The following LRFN5 variants were observed in gnomAD, a reference collection of about 807,000 sequenced individuals.
The protein encoded by LRFN5 is leucine-rich repeat and fibronectin type-III domain-containing protein 5.
Under a neutral mutation model 45.6 loss-of-function variants are expected in LRFN5, and 24 were observed. The observed-to-expected ratio is 0.53, with a 90% CI of 0.38 to 0.74. LRFN5 has a LOEUF of 0.74. Among genes scored for constraint, LRFN5 ranks in the 30% least tolerant of loss-of-function variants. The pLI, the probability that LRFN5 is intolerant of heterozygous loss-of-function variation, is 0.00. For synonymous variants in LRFN5, 340 were observed against 313.8 expected (o/e 1.08, Z -0.88); for missense variants, 776 against 861.5 (o/e 0.90, Z 1.24).
rs1278028735 is a variant in LRFN5, at chr14:41,878,287, G to A, written c.-20-8319G>A. ...CCCAGACATTAGTTGAGACAAAGGG[G>A]CAGTAATTGAATTAATAGCATTCTA... is the stretch of plus-strand genomic sequence containing the variant. On this transcript the variant is annotated intron_variant, in intron 2 of 5. Coordinates refer to ENST00000298119, the MANE Select transcript of LRFN5 (RefSeq NM_152447.5). Among the ~76,000 whole-genome samples, 3 of 152,104 alleles carry A rather than the reference G, an allele frequency of 2.0e-5. No homozygotes were observed. The East Asian group carries it at 5.8e-4, about 29-fold the overall frequency.
At chr14:41,888,600 G>A (rs566515621) in intron 3 of LRFN5, among the ~76,000 whole-genome samples, 1 of 152,164 alleles carries the variant, frequency 6.6e-6, no homozygotes, top group South Asian at 2.1e-4. Context: ...ATAAAATAAT[G>A]AGACTGATTC....
chr14:41,762,775 A>G (rs1053643523), intron 1 of LRFN5, among the ~76,000 whole-genome samples: 23 of 152,126 alleles, frequency 1.5e-4, no homozygotes, highest in African/African-American at 5.1e-4. Flanking sequence ...AAGTAATTGA[A>G]TGAACTGTAG....
chr14:41,776,664 G>T (rs1416577511), intron 2 of LRFN5, among the ~76,000 whole-genome samples: 1 of 151,998 alleles, frequency 6.6e-6, no homozygotes, highest in Non-Finnish European at 1.5e-5. Flanking sequence ...TTAAGAAAAG[G>T]ATTGTCTCAG....
At position 41,891,831 on chromosome 14, in the gene LRFN5, A is replaced by G; in HGVS notation, c.1967A>G (p.Gln656Arg). 6.2e-7 allele frequency: 1 copy of G among 1,614,208 alleles called. No individual in the cohort carries two copies. Among genetic ancestry groups the G allele is most frequent in the Non-Finnish European group, 8.5e-7 (1 of 1,180,040 alleles). Residue 656 changes from glutamine to arginine, a missense_variant, in exon 4 of 6, where the codon CAG (glutamine) becomes CGG (arginine). By Grantham distance (43) the Gln-to-Arg change is conservative (BLOSUM62 1). Transcript: ENST00000298119. ...KTGTKPSTEP[Q>R]NEAVTNVESQ... ...GGCACAAAGCCAAGTACAGAACCAC[A>G]GAATGAAGCCGTCACAAATGTTGAA...
At chr14:41,743,175 A>G in intron 1 of LRFN5, among the ~76,000 whole-genome samples, 1 of 152,186 alleles carries the variant, frequency 6.6e-6, no homozygotes, top group East Asian at 1.9e-4. Context: ...TTTTGATTTC[A>G]TTGAAACATT....
At chr14:41,855,482 T>C (rs1889420184) in intron 2 of LRFN5, among the ~76,000 whole-genome samples, 1 of 152,176 alleles carries the variant, frequency 6.6e-6, no homozygotes, top group Non-Finnish European at 1.5e-5. Context: ...ATCTTTTCTA[T>C]TCCAAGCCTA....
intron 1 of LRFN5, among the ~76,000 whole-genome samples, chr14:41,696,175 G>A (rs1882601464): frequency 6.6e-6 from 1 of 151,876 alleles, no homozygotes; most frequent in South Asian, 2.1e-4. Context: ...CTGAAGATGT[G>A]ACTAAATTGC....
intron 1 of LRFN5, among the ~76,000 whole-genome samples, chr14:41,647,444 C>A (rs897510654): frequency 2.0e-5 from 3 of 151,958 alleles, no homozygotes; most frequent in African/African-American, 7.3e-5. Context: ...GATAGCAGTA[C>A]GTAGTAGGTG....
chr14:41,832,534 T>C (rs1164316499), intron 2 of LRFN5, among the ~76,000 whole-genome samples: 1 of 152,154 alleles, frequency 6.6e-6, no homozygotes, highest in Admixed American at 6.5e-5. Context: ...TTTGCAGTAA[T>C]GAGAAGCAAA....
chr14:41,752,609 T>C (rs74385178), intron 1 of LRFN5, among the ~76,000 whole-genome samples: 5,548 of 152,154 alleles, frequency 0.036, 345 homozygotes, highest in East Asian at 0.28. Flanking sequence ...TTTGATGGGG[T>C]TGTTTGTTTT....
At chr14:41,817,661 C>G (rs1363665871) in intron 2 of LRFN5, among the ~76,000 whole-genome samples, 1 of 152,126 alleles carries the variant, frequency 6.6e-6, no homozygotes, top group Non-Finnish European at 1.5e-5. Context: ...TTAGAAGAGC[C>G]AGATGCTCTG....
At chr14:41,674,226 A>T (rs1288484217) in intron 1 of LRFN5, among the ~76,000 whole-genome samples, 1 of 126,894 alleles carries the variant, frequency 7.9e-6, no homozygotes, top group Non-Finnish European at 1.7e-5. Flanking sequence ...TCCCTCCCGG[A>T]CGGGGCGGCT....
intron 1 of LRFN5, among the ~76,000 whole-genome samples, chr14:41,752,372 G>A (rs1407417134): frequency 2.0e-5 from 3 of 152,288 alleles, no homozygotes; most frequent in Admixed American, 2.0e-4. Flanking sequence ...CTAGTTTACA[G>A]TCCCACCAAC....
intron 2 of LRFN5, among the ~76,000 whole-genome samples, chr14:41,772,318 A>T (rs191798039): frequency 6.6e-6 from 1 of 152,144 alleles, no homozygotes; most frequent in South Asian, 2.1e-4. Context: ...TCCAAACCAT[A>T]TCAAATCTGA....
intron 2 of LRFN5, among the ~76,000 whole-genome samples, chr14:41,835,641 G>A (rs1888635380): frequency 2.0e-5 from 3 of 152,180 alleles, no homozygotes; most frequent in Admixed American, 6.5e-5. Context: ...TGGGAGGGTC[G>A]CTTGAGCCTG....
intron 2 of LRFN5, among the ~76,000 whole-genome samples, chr14:41,834,760 T>A (rs1232390542): frequency 6.6e-6 from 1 of 152,046 alleles, no homozygotes; most frequent in African/African-American, 2.4e-5. Flanking sequence ...TTCCCTGGGC[T>A]CAAGTGATCC....
chr14:41,798,125 C>T (rs948923007), intron 2 of LRFN5, among the ~76,000 whole-genome samples: 1 of 151,852 alleles, frequency 6.6e-6, no homozygotes, highest in African/African-American at 2.4e-5. Flanking sequence ...CTTCATTACT[C>T]ACCTTGTTAG....
intron 2 of LRFN5, among the ~76,000 whole-genome samples, chr14:41,804,466 T>C (rs188038896): frequency 3.3e-5 from 5 of 152,224 alleles, no homozygotes; most frequent in Admixed American, 3.3e-4. Flanking sequence ...ACTGGGGAAG[T>C]TGCAAATCTT....
intron 5 of LRFN5, 27 bp from the exon 6 acceptor site, chr14:41,904,131 T>A (rs1185100242): frequency 6.4e-7 from 1 of 1,557,336 alleles, no homozygotes; most frequent in Non-Finnish European, 8.8e-7. Context: ...CTTTCTTTTT[T>A]TCCTTTTTCT....
Sources: gnomAD v4.1 joint callset for allele counts (sites outside exome capture counted in the v4.1 genomes callset) on GRCh38, gnomAD v4.1.1 for gene constraint, MANE v1.5 for transcripts, NCBI Gene and HGNC (gene_info 2026-07-23, HGNC 2026-07-21) for gene names.